The following GAS7 variants were observed in gnomAD, a reference collection of about 807,000 sequenced individuals.
The protein encoded by GAS7 is growth arrest-specific protein 7.
In GAS7, 28 loss-of-function variants were observed where a neutral mutation model predicts 71.1. The observed-to-expected ratio is 0.39, with a 90% CI of 0.29 to 0.54. The LOEUF is 0.54. GAS7 is among the 20% of genes least tolerant of loss of function. The probability of loss-of-function intolerance (pLI) is 0.62; values close to 1 mark genes in which losing one functional copy is unlikely to be tolerated. For missense variants in GAS7, 436 were observed against 627.8 expected, an observed-to-expected ratio of 0.69 and a Z score of 3.27; for synonymous variants, 258 against 245.8, an observed-to-expected ratio of 1.05 and a Z score of -0.46.
chr17:10,042,631 T>C (rs2072889435), intron 1 of GAS7, among the ~76,000 whole-genome samples: 2 of 152,172 alleles, frequency 1.3e-5, no homozygotes, highest in Non-Finnish European at 2.9e-5. Context: ...TCTTCAACAG[T>C]GCCAAATGCT....
intron 1 of GAS7, among the ~76,000 whole-genome samples, chr17:10,189,728 C>T (rs1297263818): frequency 1.3e-5 from 2 of 152,108 alleles, no homozygotes; most frequent in East Asian, 3.9e-4. Flanking sequence ...CACTTGAGGC[C>T]AGGAGTTGGA....
chr17:10,145,232 C>T (rs1055210271), intron 1 of GAS7, among the ~76,000 whole-genome samples: 9 of 152,238 alleles, frequency 5.9e-5, no homozygotes, highest in South Asian at 2.1e-4. Flanking sequence ...ACCGCAGAGA[C>T]GCCTGCATTC....
intron 1 of GAS7, among the ~76,000 whole-genome samples, chr17:10,194,171 G>T (rs1048144006): frequency 3.9e-5 from 6 of 152,218 alleles, no homozygotes; most frequent in African/African-American, 1.4e-4. Context: ...TTTTAGGAAA[G>T]AGAAAAGGTC....
intron 1 of GAS7, among the ~76,000 whole-genome samples, chr17:10,140,565 G>GT (rs1250687966): frequency 6.6e-6 from 1 of 152,130 alleles, no homozygotes; most frequent in Non-Finnish European, 1.5e-5. Context: ...CTATATGCAC[G>GT]TATGTCTATA....
intron 12 of GAS7, among the ~76,000 whole-genome samples, chr17:9,918,325 G>A (rs895301753): frequency 3.9e-5 from 6 of 152,204 alleles, no homozygotes; most frequent in African/African-American, 1.4e-4. Context: ...GCACAGTGCT[G>A]AGGGCTTTAC....
chr17:9,918,156 C>CT (rs1196205651), intron 12 of GAS7, 57 bp from the exon 13 acceptor site: 8 of 1,282,580 alleles, frequency 6.2e-6, no homozygotes, highest in African/African-American at 1.5e-5. Context: ...CTTGGGGGTC[C>CT]CCCCACCAAG....
At chr17:10,019,631 G>C (rs991787612) in intron 2 of GAS7, 146 bp downstream of exon 2, 1 of 753,126 alleles carries the variant, frequency 1.3e-6, no homozygotes, top group African/African-American at 1.8e-5. Context: ...AGTGGGAGGA[G>C]TAAGACTTTA....
chr17:9,917,428 G>A, intron 13 of GAS7, 87 bp from the exon 14 acceptor site: 1 of 914,724 alleles, frequency 1.1e-6, no homozygotes, highest in Non-Finnish European at 1.8e-6. Flanking sequence ...CCTCACCTTA[G>A]TGTCTCTGAG....
In GAS7 at chr17:9,965,548, A is replaced by G. The variant is rs191047525; in HGVS notation, c.471+4129T>C. 3.6e-3 allele frequency among the ~76,000 whole-genome samples: 554 copies of G among 152,294 alleles called. 4 individuals are homozygous for G. Among genetic ancestry groups the G allele is most frequent in the African/African-American group, 0.013 (528 of 41,536 alleles). On this transcript the variant is annotated intron_variant, in intron 4 of 13. Transcript: ENST00000432992. ...ATAAGAGGAGGGAGAGCATTAGGACAAATACCTACTGCACGCAGGGCTTAA... is the reference window on the plus strand; with the variant it reads ...ATAAGAGGAGGGAGAGCATTAGGACGAATACCTACTGCACGCAGGGCTTAA...
chr17:10,028,221 A>T (rs572453986), intron 1 of GAS7, among the ~76,000 whole-genome samples: 64 of 152,124 alleles, frequency 4.2e-4, no homozygotes, highest in South Asian at 2.1e-3. Context: ...TCTTTTTTTT[A>T]AATTTAGCTG....
At chr17:9,983,763 G>T (rs2070530774) in intron 2 of GAS7, among the ~76,000 whole-genome samples, 1 of 152,012 alleles carries the variant, frequency 6.6e-6, no homozygotes, top group Admixed American at 6.6e-5. Flanking sequence ...CTCCAGCCTG[G>T]GTGACAGAGT....
At chr17:10,016,751 A>AAAAT in intron 2 of GAS7, among the ~76,000 whole-genome samples, 1 of 139,914 alleles carries the variant, frequency 7.1e-6, no homozygotes, top group African/African-American at 2.6e-5. Flanking sequence ...TCTCTACAAA[A>AAAAT]AATAATAATA....
intron 1 of GAS7, among the ~76,000 whole-genome samples, chr17:10,174,646 C>T (rs1020055066): frequency 2.6e-5 from 4 of 151,782 alleles, no homozygotes; most frequent in South Asian, 2.1e-4. Context: ...GAGCTGAGAT[C>T]GCACCACTGC....
chr17:10,005,329 A>G (rs1407156197), intron 2 of GAS7, among the ~76,000 whole-genome samples: 4 of 145,048 alleles, frequency 2.8e-5, no homozygotes, highest in African/African-American at 1.1e-4. Context: ...ATATATATAT[A>G]CACACACACA....
At chr17:9,921,365 C>T (rs1276366768) in intron 11 of GAS7, among the ~76,000 whole-genome samples, 2 of 152,132 alleles carry the variant, frequency 1.3e-5, no homozygotes, top group East Asian at 1.9e-4. Context: ...CCATATCGGC[C>T]AGGCTAGTCT....
chr17:10,120,079 G>C (rs904602875), intron 1 of GAS7, among the ~76,000 whole-genome samples: 5 of 152,150 alleles, frequency 3.3e-5, no homozygotes, highest in African/African-American at 1.2e-4. Flanking sequence ...AGAAATGCAA[G>C]GCTGGCCTTC....
chr17:9,963,801 C>T (rs80170779), intron 4 of GAS7, among the ~76,000 whole-genome samples: 11,404 of 151,952 alleles, frequency 0.075, 1,413 homozygotes, highest in African/African-American at 0.26. Flanking sequence ...ATATATTAGG[C>T]GGCATTATTG....
chr17:10,162,963 C>T (rs1157438277), intron 1 of GAS7, among the ~76,000 whole-genome samples: 1 of 152,116 alleles, frequency 6.6e-6, no homozygotes, highest in East Asian at 1.9e-4. Context: ...TAATACTGAA[C>T]TATAGACTTC....
chr17:10,081,215 C>A lies in GAS7; in HGVS notation c.184-61318G>T, dbSNP rs558139079. ...TGTTGCCTAGGCTGGAGTGCGATGG[C>A]GCGATCTCAGCTCACTGAAACCTTC... On this transcript the variant is annotated intron_variant, in intron 1 of 13. Coordinates refer to ENST00000432992, the MANE Select transcript of GAS7 (RefSeq NM_201433.2). Among the ~76,000 whole-genome samples, 34 of 152,240 alleles carry A rather than the reference C, an allele frequency of 2.2e-4. No individual in the cohort carries two copies. The South Asian group carries it at 4.4e-3, about 20-fold the overall frequency.
Sources: gnomAD v4.1 joint callset for allele counts (sites outside exome capture counted in the v4.1 genomes callset) on GRCh38, gnomAD v4.1.1 for gene constraint, MANE v1.5 for transcripts, NCBI Gene and HGNC (gene_info 2026-07-23, HGNC 2026-07-21) for gene names.